Variants in RLF observed in about 807,000 individuals in gnomAD.
RLF encodes RLF zinc finger.
A neutral mutation model predicts 162.9 loss-of-function variants in RLF; 7 were observed. The ratio of observed to expected loss-of-function variants is 0.04; its 90% confidence interval spans 0.02 to 0.08. The LOEUF is 0.08. Among genes scored for constraint, RLF ranks in the 10% least tolerant of loss-of-function variants. The pLI is 1.00. For missense variants in RLF, 1,664 were observed against 2,244.7 expected (o/e 0.74, Z 5.23); for synonymous variants, 782 against 791.5 (o/e 0.99, Z 0.20).
chr1:40,195,270 G>A (rs1253193971), intron 3 of RLF, among the ~76,000 whole-genome samples: 2 of 151,836 alleles, frequency 1.3e-5, no homozygotes, highest in Non-Finnish European at 2.9e-5. Flanking sequence ...CCAAGATGGT[G>A]AAACCCTGTC....
intron 1 of RLF, among the ~76,000 whole-genome samples, chr1:40,175,679 G>A (rs147359410): frequency 4.6e-4 from 70 of 151,418 alleles, no homozygotes; most frequent in African/African-American, 1.0e-3. Context: ...CATTCTATTC[G>A]GGAGGCTGAG....
At position 40,161,454 on chromosome 1, in the gene RLF, C is replaced by A. The variant is rs763606038; in HGVS notation, c.55C>A (p.Pro19Thr). 1.3e-6 allele frequency: 2 copies of A among 1,577,520 alleles called. No homozygotes were observed. The highest frequency in any genetic ancestry group is 2.3e-5 in the South Asian group (2 of 87,752). Reference protein sequence around the residue: ...AAVAGAGAEAPAVAGAGDGVE... With the variant: ...AAVAGAGAEATAVAGAGDGVE... ...TGTCGCCGGGGCTGGGGCTGAGGCTCCGGCGGTAGCGGGAGCCGGAGATGG... is the reference window on the plus strand; with the variant it reads ...TGTCGCCGGGGCTGGGGCTGAGGCTACGGCGGTAGCGGGAGCCGGAGATGG... The change falls in exon 1 of 8, where the codon CCG (proline) becomes ACG (threonine). Residue 19 changes from proline to threonine, a missense_variant. This residue lies in a region of RLF where 134 missense variants were observed against 124.3 expected (regional missense o/e 1.08). Coordinates refer to ENST00000372771, the MANE Select transcript of RLF (RefSeq NM_012421.4). This position sits in a 1 kb window ranked among gnomAD's most constrained non-coding sequence, Gnocchi z 4.4.
chr1:40,184,763 A>G (rs1642451323), intron 1 of RLF, among the ~76,000 whole-genome samples: 2 of 152,190 alleles, frequency 1.3e-5, no homozygotes, highest in Non-Finnish European at 2.9e-5. Flanking sequence ...AAGGGCAGGA[A>G]TAGAGTCTCC....
At chr1:40,193,860 A>G (rs1186512040) in intron 3 of RLF, among the ~76,000 whole-genome samples, 1 of 152,164 alleles carries the variant, frequency 6.6e-6, no homozygotes, top group Non-Finnish European at 1.5e-5. Flanking sequence ...TTGAGTGAAT[A>G]CTAAACTATA....
At chr1:40,211,396 A>T (rs925760851) in intron 5 of RLF, among the ~76,000 whole-genome samples, 7 of 152,088 alleles carry the variant, frequency 4.6e-5, no homozygotes, top group Non-Finnish European at 1.0e-4. Flanking sequence ...ACCTATTTCC[A>T]TGTGTTAGAC....
At position 40,195,780 on chromosome 1, in the gene RLF, A is replaced by G. The variant is rs1229124464; in HGVS notation, c.607+16A>G. ...ACGGAGGAAGGTAAGTCTTAAGACT[A>G]TATTGGATGAGGATTTAGTTCTGAG... On this transcript the variant is annotated intron_variant, in intron 4 of 7. Coordinates refer to ENST00000372771, the MANE Select transcript of RLF (RefSeq NM_012421.4). 3.8e-6 allele frequency: 6 copies of G among 1,600,000 alleles called. No individual in the cohort carries two copies. The highest frequency in any genetic ancestry group is 4.3e-6 in the Non-Finnish European group (5 of 1,174,378).
chr1:40,236,531 G>A lies in RLF; in HGVS notation c.1829G>A (p.Ser610Asn), dbSNP rs1294276601. The change falls in exon 8 of 8, where the codon AGC (serine) becomes AAC (asparagine). Residue 610 changes from serine (S) to asparagine (N), a missense_variant. By Grantham distance (46) the Ser-to-Asn change is conservative (BLOSUM62 1). Coordinates refer to ENST00000372771, the MANE Select transcript of RLF (RefSeq NM_012421.4). The surrounding 1 kb of genome is among the most constrained non-coding windows in gnomAD (Gnocchi z 7.7). ...ATGGAGCATGTTAAAATGCCACCAA[G>A]CAGAAGGGACCGCTCTAAAAAGAAA... ...HVMEHVKMPP[S>N]RRDRSKKKLL... The A allele has an allele frequency of 6.2e-7, 1 of 1,614,004 alleles. No homozygotes were observed. Among genetic ancestry groups the A allele is most frequent in the Admixed American group, 1.7e-5 (1 of 60,008 alleles).
chr1:40,234,245 C>T (rs751805785), intron 7 of RLF, among the ~76,000 whole-genome samples: 12 of 152,184 alleles, frequency 7.9e-5, no homozygotes, highest in African/African-American at 1.7e-4. Flanking sequence ...CCACTGTGCC[C>T]GGCCTAAATG....
In RLF at chr1:40,239,704, T is replaced by A. The variant is rs748265347; in HGVS notation, c.5002T>A (p.Tyr1668Asn). ...SSVFDADTLL[Y>N]RGTLKCNHSS... ...AGTATTTGATGCAGATACTCTGCTC[T>A]ACAGGGGAACTTTGAAATGTAATCA... is the stretch of plus-strand genomic sequence containing the variant. Residue 1668 changes from tyrosine (Y) to asparagine (N), a missense_variant, in exon 8 of 8, where the codon TAC (tyrosine) becomes AAC (asparagine). Tyr to Asn is a moderately radical substitution (Grantham distance 143). This residue lies in a region of RLF where 327 missense variants were observed against 342.7 expected (regional missense o/e 0.95). Coordinates refer to ENST00000372771, the MANE Select transcript of RLF (RefSeq NM_012421.4). The A allele has an allele frequency of 6.2e-7, 1 of 1,614,240 alleles. No individual in the cohort carries two copies. The highest frequency in any genetic ancestry group is 1.1e-5 in the South Asian group (1 of 91,090).
rs1027827335 is a variant in RLF, at chr1:40,180,378, C to T, written c.238-8677C>T. Among the ~76,000 whole-genome samples, 8 of 152,274 alleles carry T rather than the reference C, an allele frequency of 5.3e-5. No individual in the cohort carries two copies. In the South Asian group the frequency reaches 1.7e-3, roughly 32 times the overall value. On this transcript the variant is annotated intron_variant, in intron 1 of 7. Transcript: ENST00000372771. ...GAATCAAGTGATTCTCCTGCCTCAG[C>T]CTCCTGAGTGGCTGGGATTATAGGC...
At position 40,224,623 on chromosome 1, in the gene RLF, CTTTTTTTTTTTTTTTTTTTT is replaced by C. The variant is rs1168908018; in HGVS notation, c.947+1925_947+1944del. On this transcript the variant is annotated intron_variant, in intron 6 of 7. Transcript: ENST00000372771. ...TTTCCCCTTCCATTGTTTTTGAAAGCTTTTTTTTTTTTTTTTTTTTTTTTTTTTTTTGGTAGTGGGATGCT... is the reference window on the plus strand; with the variant it reads ...TTTCCCCTTCCATTGTTTTTGAAAGCTTTTTTTTTTTGGTAGTGGGATGCT... 4.5e-4 allele frequency among the ~76,000 whole-genome samples: 15 copies of C among 33,264 alleles called. 1 individual carries two copies. The highest frequency in any genetic ancestry group is 1.4e-3 in the Admixed American group (2 of 1,444). 21.8% of individuals were successfully genotyped at this position (33,264 alleles called of 152,430 possible). A position where few individuals can be genotyped will look rare whatever the true frequency, so the allele number is the denominator to read the frequency against.
At chr1:40,201,018 A>C in intron 4 of RLF, among the ~76,000 whole-genome samples, 1 of 71,414 alleles carries the variant, frequency 1.4e-5, no homozygotes, top group African/African-American at 5.4e-5. Context: ...AACCATTGCT[A>C]CTCTACACAC....
At chr1:40,215,003 T>TA (rs1642908098) in intron 5 of RLF, among the ~76,000 whole-genome samples, 1 of 126,944 alleles carries the variant, frequency 7.9e-6, no homozygotes, top group African/African-American at 3.0e-5. Context: ...AGACAAATTA[T>TA]AAAAAACCAA....
rs758329060 is a variant in RLF, at chr1:40,222,771, A to G, written c.947+61A>G. The G allele has an allele frequency of 6.9e-5, 99 of 1,433,054 alleles. No homozygotes were observed. Among genetic ancestry groups the G allele is most frequent in the Non-Finnish European group, 9.0e-5 (93 of 1,035,276 alleles). The allele number at this position is 1,433,054 out of a possible 1,614,324, so 88.8% of individuals were successfully genotyped here. ...GTACATAGTATAGCATTTAGGGTTTATGTAAAATGTTAATTTGTTTCTAAT... is the reference window on the plus strand; with the variant it reads ...GTACATAGTATAGCATTTAGGGTTTGTGTAAAATGTTAATTTGTTTCTAAT... On this transcript the variant is annotated intron_variant, in intron 6 of 7. Coordinates refer to ENST00000372771, the MANE Select transcript of RLF (RefSeq NM_012421.4).
intron 1 of RLF, among the ~76,000 whole-genome samples, chr1:40,176,084 GTTTAT>G (rs1263792270): frequency 6.6e-6 from 1 of 152,050 alleles, no homozygotes; most frequent in Non-Finnish European, 1.5e-5. Flanking sequence ...TATATCAGTA[GTTTAT>G]TTTATTGATG....
chr1:40,221,870 G>A (rs1441039159), intron 5 of RLF, among the ~76,000 whole-genome samples: 114 of 134,046 alleles, frequency 8.5e-4, no homozygotes, highest in Admixed American at 2.9e-3. Context: ...ACTGCACTCC[G>A]GCCTGGGCGA....
intron 1 of RLF, among the ~76,000 whole-genome samples, chr1:40,172,691 A>C (rs1197958654): frequency 6.6e-6 from 1 of 152,180 alleles, no homozygotes; most frequent in Non-Finnish European, 1.5e-5. Context: ...GGTTGAACCC[A>C]GGAGGCAGAG....
At chr1:40,190,251 CT>C (rs1288681874) in intron 2 of RLF, among the ~76,000 whole-genome samples, 1 of 152,182 alleles carries the variant, frequency 6.6e-6, no homozygotes, top group East Asian at 1.9e-4. Context: ...CCTGTTATTT[CT>C]TTTCTGTGTC....
chr1:40,194,013 A>G (rs1642595700), intron 3 of RLF, among the ~76,000 whole-genome samples: 1 of 152,246 alleles, frequency 6.6e-6, no homozygotes, highest in Admixed American at 6.5e-5. Flanking sequence ...AGCTCACCAT[A>G]ATCAATAATA....
Sources: gnomAD v4.1 joint callset for allele counts (sites outside exome capture counted in the v4.1 genomes callset) on GRCh38, gnomAD v4.1.1 for gene constraint, gnomAD v4.1.1 regional missense constraint, Gnocchi (gnomAD v3.1) non-coding constraint, MANE v1.5 for transcripts, NCBI Gene and HGNC (gene_info 2026-07-23, HGNC 2026-07-21) for gene names.